CDC40: variants seen among roughly 807,000 people sequenced by gnomAD.
CDC40 encodes the protein cell division cycle 40, also known as pre-mRNA-processing factor 17.
CDC40 carries 27 observed loss-of-function variants against 80.6 expected under a neutral mutation model. The ratio of observed to expected loss-of-function variants is 0.33; its 90% confidence interval spans 0.25 to 0.46. CDC40 has a LOEUF of 0.46. CDC40 is among the 20% of genes least tolerant of loss of function. The probability of loss-of-function intolerance (pLI) is 1.00; values close to 1 mark genes in which losing one functional copy is unlikely to be tolerated. For synonymous variants in CDC40, 221 were observed against 232.6 expected (o/e 0.95, Z 0.45); for missense variants, 486 against 694.1 (o/e 0.70, Z 3.37).
chr6:110,192,463 G>T (rs557557941), intron 1 of CDC40, among the ~76,000 whole-genome samples: 1 of 152,166 alleles, frequency 6.6e-6, no homozygotes, highest in African/African-American at 2.4e-5. Flanking sequence ...GGGAGGCCAC[G>T]AGCTCCCTTT....
intron 2 of CDC40, among the ~76,000 whole-genome samples, chr6:110,194,518 A>G (rs895109981): frequency 3.3e-5 from 5 of 152,164 alleles, no homozygotes; most frequent in African/African-American, 4.8e-5. Flanking sequence ...AGCTCCAGCG[A>G]TTCACTGAGT....
rs55895216 is a variant in CDC40 at position 110,204,659 on chromosome 6, CTTTTT to C, written c.407-2830_407-2826del. Among the ~76,000 whole-genome samples the C allele has an allele frequency of 2.6e-4, 31 of 119,268 alleles. No homozygotes were observed. The East Asian group carries it at 7.1e-3, about 27-fold the overall frequency. The allele number at this position is 119,268 out of a possible 152,430, so 78.2% of individuals were successfully genotyped here. ...CACAGTGTATAAAAGTCCTATTTCTCTTTTTTTTTTTTTTTTTTTTTGAGACAGGA... is the reference window on the plus strand; with the variant it reads ...CACAGTGTATAAAAGTCCTATTTCTCTTTTTTTTTTTTTTTTGAGACAGGA... On this transcript the variant is annotated intron_variant, in intron 3 of 14. Transcript: ENST00000307731.
At chr6:110,183,312 G>A (rs1490908501) in intron 1 of CDC40, among the ~76,000 whole-genome samples, 1 of 152,212 alleles carries the variant, frequency 6.6e-6, no homozygotes, top group Non-Finnish European at 1.5e-5. Context: ...CAAGATTAGG[G>A]AAGTATATTT....
At chr6:110,211,935 C>T in intron 6 of CDC40, 198 bp from the exon 7 acceptor site, 1 of 519,582 alleles carries the variant, frequency 1.9e-6, no homozygotes. Context: ...CGAAATACTA[C>T]CTCTAGTTGT....
At chr6:110,222,888 A>G (rs1344844548) in intron 12 of CDC40, among the ~76,000 whole-genome samples, 2 of 152,354 alleles carry the variant, frequency 1.3e-5, no homozygotes, top group Non-Finnish European at 2.9e-5. Context: ...AGCTCTTTCT[A>G]TATGCCAGTC....
rs558381309 is a variant in CDC40 at position 110,182,863 on chromosome 6, C to T, written c.189+2230C>T. ...TCCCAGTTTTATACCCCATTCTTTTCTCCACAGTGCACTTAGAATGATCTT... is the reference window on the plus strand; with the variant it reads ...TCCCAGTTTTATACCCCATTCTTTTTTCCACAGTGCACTTAGAATGATCTT... On this transcript the variant is annotated intron_variant, in intron 1 of 14. Coordinates refer to ENST00000307731, the MANE Select transcript of CDC40 (RefSeq NM_015891.3). Among the ~76,000 whole-genome samples, 8 of 152,210 alleles carry T rather than the reference C, an allele frequency of 5.3e-5. No homozygotes were observed. In the South Asian group the frequency reaches 8.3e-4, roughly 16 times the overall value.
intron 4 of CDC40, among the ~76,000 whole-genome samples, chr6:110,207,857 A>T (rs1777585813): frequency 6.6e-6 from 1 of 152,174 alleles, no homozygotes; most frequent in Non-Finnish European, 1.5e-5. Flanking sequence ...CACCATGCCA[A>T]CCCTGTAGAA....
intron 3 of CDC40, among the ~76,000 whole-genome samples, chr6:110,202,658 C>G (rs1337065784): frequency 1.3e-5 from 2 of 151,928 alleles, no homozygotes; most frequent in Non-Finnish European, 2.9e-5. Context: ...GGCTTTAGAC[C>G]TGGTTTCAGA....
Position 110,228,903 on chromosome 6 carries a change from A to C in CDC40, c.1489A>C (p.Asn497His). 1.2e-6 allele frequency: 2 copies of C among 1,607,406 alleles called. No homozygotes were observed. ...TGGAGCACAGAACAGATTTAGATTA[A>C]ATAAGAAAAAAATTTTTAAGGGCCA... is the stretch of plus-strand genomic sequence containing the variant. The part of the protein sequence containing the change: ...IFGAQNRFRL[N>H]KKKIFKGHMV... Residue 497 changes from asparagine to histidine, a missense_variant, in exon 14 of 15, where the codon AAT (asparagine) becomes CAT (histidine). Asn to His is a moderately conservative substitution (Grantham distance 68). Coordinates refer to ENST00000307731, the MANE Select transcript of CDC40 (RefSeq NM_015891.3).
chr6:110,214,611 G>C (rs1418597047), intron 8 of CDC40, among the ~76,000 whole-genome samples: 2 of 152,186 alleles, frequency 1.3e-5, no homozygotes, highest in African/African-American at 4.8e-5. Flanking sequence ...TCGTTTCCTA[G>C]TATGCTACAG....
At chr6:110,204,494 C>G (rs893585528) in intron 3 of CDC40, among the ~76,000 whole-genome samples, 3 of 151,974 alleles carry the variant, frequency 2.0e-5, no homozygotes, top group Non-Finnish European at 4.4e-5. Context: ...GTACATAAAA[C>G]TTTACATGTT....
chr6:110,197,825 T>C (rs533514620), intron 2 of CDC40, among the ~76,000 whole-genome samples: 1 of 152,178 alleles, frequency 6.6e-6, no homozygotes, highest in East Asian at 1.9e-4. Flanking sequence ...CTTTATGCAT[T>C]CAAACATTGA....
intron 2 of CDC40, among the ~76,000 whole-genome samples, chr6:110,197,406 C>CATTA (rs1777432121): frequency 6.6e-6 from 1 of 152,102 alleles, no homozygotes; most frequent in Non-Finnish European, 1.5e-5. Context: ...TTAACATATG[C>CATTA]ATTACTTCAT....
At chr6:110,193,697 G>C (rs1022814108) in intron 2 of CDC40, among the ~76,000 whole-genome samples, 1 of 152,150 alleles carries the variant, frequency 6.6e-6, no homozygotes, top group South Asian at 2.1e-4. Flanking sequence ...GAGCCACTGC[G>C]CCCAGCCGAA....
chr6:110,201,016 C>T (rs1584068996), intron 2 of CDC40, among the ~76,000 whole-genome samples: 1 of 152,066 alleles, frequency 6.6e-6, no homozygotes, highest in African/African-American at 2.4e-5. Context: ...CTATCCTCCA[C>T]CCCCAATGGA....
chr6:110,207,347 A>G (rs1308995095), intron 3 of CDC40, among the ~76,000 whole-genome samples, 159 bp from the exon 4 acceptor site: 2 of 151,254 alleles, frequency 1.3e-5, no homozygotes, highest in Non-Finnish European at 2.9e-5. Context: ...AGGAAGCAAT[A>G]TAGCTCAGGG....
At chr6:110,189,365 T>C (rs1777316182) in intron 1 of CDC40, among the ~76,000 whole-genome samples, 1 of 152,262 alleles carries the variant, frequency 6.6e-6, no homozygotes. Flanking sequence ...TGTCTATTTC[T>C]GTGGGCCCAG....
chr6:110,204,083 G>C (rs1251389999), intron 3 of CDC40, among the ~76,000 whole-genome samples: 1 of 152,102 alleles, frequency 6.6e-6, no homozygotes, highest in Non-Finnish European at 1.5e-5. Context: ...CGCGATCTCA[G>C]CTCACTGCAA....
rs1777169318 is a variant in CDC40, at chr6:110,180,641, CT to C, written c.189+12del. The C allele has an allele frequency of 1.2e-6, 2 of 1,603,642 alleles. No individual in the cohort carries two copies. Among genetic ancestry groups the C allele is most frequent in the Non-Finnish European group, 1.7e-6 (2 of 1,170,906 alleles). On this transcript the variant is annotated intron_variant, in intron 1 of 14. Transcript: ENST00000307731. Reference sequence around the variant, plus strand: ...CCGGAGGTGGCAGTTAAGGTAAGCACTTTTGCTACTAATGCAGTGTGGGAAT... The same window carrying C: ...CCGGAGGTGGCAGTTAAGGTAAGCACTTTGCTACTAATGCAGTGTGGGAAT...
Sources: allele counts gnomAD v4.1 joint callset (sites outside exome capture counted in the v4.1 genomes callset), GRCh38; gene constraint gnomAD v4.1.1; transcripts MANE v1.5; gene names NCBI Gene and HGNC (gene_info 2026-07-23, HGNC 2026-07-21).